Variants in PRSS36 observed in about 807,000 individuals in gnomAD.
PRSS36 encodes the protein serine protease 36, also known as polyserase-2.
A neutral mutation model predicts 94.3 loss-of-function variants in PRSS36; 90 were observed. The observed-to-expected ratio is 0.95, with a 90% CI of 0.80 to 1.14. The LOEUF (loss-of-function observed/expected upper bound fraction) is 1.14, where lower values mean the gene tolerates loss of function less well. Ranked by LOEUF, PRSS36 falls within the 50% of genes most tolerant of loss-of-function variation. PRSS36 has a pLI of 0.00. For synonymous variants in PRSS36, 500 were observed against 489.6 expected (o/e 1.02, Z -0.28); for missense variants, 1,158 against 1,135.0 (o/e 1.02, Z -0.29).
chr16:31,141,432 C>T (rs2057686469), intron 12 of PRSS36, 37 bp downstream of exon 12: 2 of 1,567,536 alleles, frequency 1.3e-6, no homozygotes, highest in African/African-American at 2.7e-5. Flanking sequence ...TCCATTCTCC[C>T]CTCCCGTCTC....
At chr16:31,145,406 C>CA (rs1279794615) in intron 6 of PRSS36, among the ~76,000 whole-genome samples, 1 of 148,048 alleles carries the variant, frequency 6.8e-6, no homozygotes, top group African/African-American at 2.5e-5. Flanking sequence ...AACTCCGTCT[C>CA]AAAAAATAAA....
chr16:31,140,201 A>AGG, intron 14 of PRSS36, 93 bp downstream of exon 14: 1 of 1,269,780 alleles, frequency 7.9e-7, no homozygotes, highest in Non-Finnish European at 1.1e-6. Flanking sequence ...AAAAAAAAAA[A>AGG]AAAAAAAAAT....
chr16:31,148,460 G>C lies in PRSS36; in HGVS notation c.488C>G (p.Ala163Gly), dbSNP rs1222430459. Residue 163 changes from alanine to glycine, a missense_variant, in exon 5 of 15, where the codon GCC becomes GGC. Physicochemically the swap from Ala to Gly is moderately conservative, Grantham distance 60 (BLOSUM62 0). Coordinates refer to ENST00000268281, the MANE Select transcript of PRSS36 (RefSeq NM_173502.5). ...GGTGCCGTGCACGAAGCGGTGTGAG[G>C]CGCGGGGCAGGCAGACAGGCCACAC... is the stretch of plus-strand genomic sequence containing the variant. Reference protein sequence around the residue: ...PAVWPVCLPRASHRFVHGTAC... With the variant: ...PAVWPVCLPRGSHRFVHGTAC... 6 of 1,574,084 alleles carry C rather than the reference G, an allele frequency of 3.8e-6. No homozygotes were observed. In the South Asian group the frequency reaches 6.8e-5, roughly 18 times the overall value.
intron 4 of PRSS36, 87 bp downstream of exon 4, chr16:31,148,986 C>T (rs2057849673): frequency 4.6e-6 from 6 of 1,316,036 alleles, no homozygotes; most frequent in Middle Eastern, 2.3e-4. Context: ...TCCTTGAGGA[C>T]GGAAGTGGGG....
Position 31,142,466 on chromosome 16 carries a change from G to C in PRSS36, c.1521+15C>G. The C allele has an allele frequency of 1.4e-6, 2 of 1,437,632 alleles. No homozygotes were observed. The highest frequency in any genetic ancestry group is 9.1e-7 in the Non-Finnish European group (1 of 1,097,062). The allele number at this position is 1,437,632 out of a possible 1,614,324, so 89.1% of individuals were successfully genotyped here. On this transcript the variant is annotated intron_variant, in intron 10 of 14. Transcript: ENST00000268281. ...CTCGGGCCCGCGTTCCGCGGGCCCC[G>C]CCCCCGCCGCTTACCCAGCAGCTGC...
Position 31,139,311 on chromosome 16 carries a change from C to A in PRSS36, c.2395G>T (p.Glu799Ter). Residue 799 changes from glutamate to a stop codon, truncating the protein, a stop_gained, in exon 15 of 15, where the codon GAA becomes TAA. Coordinates refer to ENST00000268281, the MANE Select transcript of PRSS36 (RefSeq NM_173502.5). LOFTEE classifies it low-confidence loss of function (END_TRUNC). ...SRELFAAIGP[E>*]EAWISQTVGE... ...ACTGTCTGGGAGATCCAGGCCTCTT[C>A]AGGACCAATGGCAGCAAACAGCTCC... 6.2e-7 allele frequency: 1 copy of A among 1,614,176 alleles called. No homozygotes were observed. Among genetic ancestry groups the A allele is most frequent in the East Asian group, 2.2e-5 (1 of 44,874 alleles).
intron 6 of PRSS36, among the ~76,000 whole-genome samples, chr16:31,144,076 T>C (rs1450533934): frequency 6.6e-6 from 1 of 152,160 alleles, no homozygotes; most frequent in Non-Finnish European, 1.5e-5. Context: ...CACAAGATAA[T>C]CCTGCAGTTG....
rs769354527 is a variant in PRSS36 at position 31,145,773 on chromosome 16, C to T, written c.720+16G>A. ...GACTCTGGCCCTGCCAGGCAGGTGC[C>T]GGGGCCTTCCCTCACCTGGCAGGTG... On this transcript the variant is annotated intron_variant, in intron 6 of 14. Coordinates refer to ENST00000268281, the MANE Select transcript of PRSS36 (RefSeq NM_173502.5). 2.4e-5 allele frequency: 38 copies of T among 1,608,374 alleles called. 1 individual carries two copies. Among genetic ancestry groups the T allele is most frequent in the Middle Eastern group, 3.6e-4 (2 of 5,536 alleles).
At position 31,142,809 on chromosome 16, in the gene PRSS36, C is replaced by T. The variant is rs1196424239; in HGVS notation, c.1285G>A (p.Val429Met). The T allele has an allele frequency of 1.3e-6, 2 of 1,521,674 alleles. No homozygotes were observed. The highest frequency in any genetic ancestry group is 1.2e-5 in the South Asian group (1 of 80,450). 94.3% of individuals were successfully genotyped at this position (1,521,674 alleles called of 1,614,324 possible). Residue 429 changes from valine to methionine, a missense_variant, in exon 9 of 15, where the codon GTG becomes ATG. Coordinates refer to ENST00000268281, the MANE Select transcript of PRSS36 (RefSeq NM_173502.5). Reference sequence around the variant, plus strand: ...TAGTGTTCCGGGTGGGGTAGGCACACGGGCCGCGAAGCCGCGCTCAGGTTC... The same window carrying T: ...TAGTGTTCCGGGTGGGGTAGGCACATGGGCCGCGAAGCCGCGCTCAGGTTC... ...PVNLSAASRP[V>M]CLPHPEHYFL... is the part of the protein sequence containing the mutation.
At chr16:31,140,029 A>C (rs1301563363) in intron 14 of PRSS36, among the ~76,000 whole-genome samples, 1 of 151,176 alleles carries the variant, frequency 6.6e-6, no homozygotes, top group Non-Finnish European at 1.5e-5. Flanking sequence ...GTCTCTACTA[A>C]AAATACAAAA....
rs199725414 is a variant in PRSS36 at position 31,140,379 on chromosome 16, C to A, written c.2204G>T (p.Arg735Leu). The part of the protein sequence containing the change: ...VAAAVSILTQ[R>L]ICDCLYQGIL... ...GCCCTGATAGAGGCAGTCACAGATT[C>A]GTTGTGTCAAGATGGAGACAGCAGC... The change falls in exon 14 of 15, where the codon CGA becomes CTA. Residue 735 changes from arginine to leucine, a missense_variant. Transcript: ENST00000268281. 1.2e-6 allele frequency: 2 copies of A among 1,613,968 alleles called. No homozygotes were observed. The highest frequency in any genetic ancestry group is 2.7e-5 in the African/African-American group (2 of 74,990).
At position 31,149,208 on chromosome 16, in the gene PRSS36, C is replaced by T. The variant is rs1372256696; in HGVS notation, c.137G>A (p.Arg46His). 2 of 1,564,320 alleles carry T rather than the reference C, an allele frequency of 1.3e-6. No individual in the cohort carries two copies. Among genetic ancestry groups the T allele is most frequent in the Non-Finnish European group, 1.7e-6 (2 of 1,155,230 alleles). ...CTGCGCGTTTGAGCCCCCCACGATG[C>T]GGGCCGAGGGCTCAGGGCGCCCGCA... is the stretch of plus-strand genomic sequence containing the variant. ...LDCGRPEPSARIVGGSNAQPG... is the reference protein window; with the variant it reads ...LDCGRPEPSAHIVGGSNAQPG... Residue 46 changes from arginine (R) to histidine (H), a missense_variant, in exon 4 of 15, where the codon CGC (arginine) becomes CAC (histidine). Arg to His is a conservative substitution (Grantham distance 29, BLOSUM62 0). Coordinates refer to ENST00000268281, the MANE Select transcript of PRSS36 (RefSeq NM_173502.5).
Position 31,140,254 on chromosome 16 carries a change from C to T in PRSS36, c.2289+40G>A, listed in dbSNP as rs1197822243. 2.6e-6 allele frequency: 4 copies of T among 1,566,602 alleles called. No individual in the cohort carries two copies. In the Admixed American group the frequency reaches 7.9e-5, roughly 31 times the overall value. ...TCTAGGGTACAGTAGTCCAACACTG[C>T]CTCTCCCCTGCCTACTCCAGGACGC... On this transcript the variant is annotated intron_variant, in intron 14 of 14. Transcript: ENST00000268281.
chr16:31,141,315 G>T, intron 12 of PRSS36, 154 bp downstream of exon 12: 1 of 972,834 alleles, frequency 1.0e-6, no homozygotes, highest in Non-Finnish European at 1.5e-6. Context: ...GTTGGCCAAG[G>T]CAGGAGGATT....
chr16:31,149,188 C>T lies in PRSS36; in HGVS notation c.157G>A (p.Ala53Thr). The T allele has an allele frequency of 6.4e-7, 1 of 1,570,096 alleles. No individual in the cohort carries two copies. Residue 53 changes from alanine to threonine, a missense_variant, in exon 4 of 15, where the codon GCG becomes ACG. Physicochemically the swap from Ala to Thr is moderately conservative, Grantham distance 58. Coordinates refer to ENST00000268281, the MANE Select transcript of PRSS36 (RefSeq NM_173502.5). ...PSARIVGGSN[A>T]QPGTWPWQVS... ...TGCCAAGGCCAGGTGCCCGGCTGCG[C>T]GTTTGAGCCCCCCACGATGCGGGCC...
rs572701308 is a variant in PRSS36 at position 31,141,173 on chromosome 16, C to T, written c.1901+296G>A. Among the ~76,000 whole-genome samples, 115 of 152,158 alleles carry T rather than the reference C, an allele frequency of 7.6e-4. 1 individual carries two copies. Among genetic ancestry groups the T allele is most frequent in the Non-Finnish European group, 1.2e-3 (81 of 68,012 alleles). On this transcript the variant is annotated intron_variant, in intron 12 of 14. Coordinates refer to ENST00000268281, the MANE Select transcript of PRSS36 (RefSeq NM_173502.5). ...TCCTGACCTCATGATCTGCCCGCCT[C>T]GGCCTCCCAAAGTGCTAGGATTACA...
rs2057667407 is a variant in PRSS36 at position 31,140,496 on chromosome 16, G to T, written c.2163C>A (p.Asp721Glu). 4.4e-6 allele frequency: 7 copies of T among 1,582,716 alleles called. No individual in the cohort carries two copies. The highest frequency in any genetic ancestry group is 6.0e-6 in the Non-Finnish European group (7 of 1,163,708). The part of the protein sequence containing the change: ...CWVLGWKEPQ[D>E]RVPVAAAVSI... ...CCCGTGACCCAGGGGTCTCACCTCGGTCCTGGGGTTCTTTCCAGCCCAACA... is the reference window on the plus strand; with the variant it reads ...CCCGTGACCCAGGGGTCTCACCTCGTTCCTGGGGTTCTTTCCAGCCCAACA... Residue 721 changes from aspartate (D) to glutamate (E), a missense_variant, in exon 13 of 15, where the codon GAC (aspartate) becomes GAA (glutamate). Transcript: ENST00000268281.
chr16:31,140,239 A>G (rs2057661870), intron 14 of PRSS36, 55 bp downstream of exon 14: 1 of 1,546,576 alleles, frequency 6.5e-7, no homozygotes, highest in Middle Eastern at 1.8e-4. Context: ...TCTAGGGTAC[A>G]GTAGTCCAAC....
In PRSS36 at chr16:31,148,636, C is replaced by G. The variant is rs760807105; in HGVS notation, c.312G>C (p.Leu104=). 3.1e-6 allele frequency: 5 copies of G among 1,612,386 alleles called. No homozygotes were observed. The African/African-American group carries it at 6.7e-5, about 22-fold the overall frequency. ...TLEPAAEWSV[L]LGVHSQDGPL... is the part of the protein sequence containing the mutation. ...GCCCGTCCTGGGAGTGCACGCCCAG[C>G]AGTACCGACCACTCGGCCGCGGGCT... Residue 104 remains leucine (L), a synonymous_variant, in exon 5 of 15, where the codon CTG becomes CTC. Transcript: ENST00000268281.
Sources: gnomAD v4.1 joint callset for allele counts (sites outside exome capture counted in the v4.1 genomes callset) on GRCh38, gnomAD v4.1.1 for gene constraint, MANE v1.5 for transcripts, NCBI Gene and HGNC (gene_info 2026-07-23, HGNC 2026-07-21) for gene names.